Variants in USO1 observed in about 807,000 individuals in gnomAD.
USO1 encodes USO1 vesicle transport factor.
USO1 carries 57 observed loss-of-function variants against 124.5 expected under a neutral mutation model. That is an observed-to-expected ratio of 0.46 (90% CI 0.37 to 0.57). The LOEUF (loss-of-function observed/expected upper bound fraction) is 0.57, where lower values mean the gene tolerates loss of function less well. USO1 is among the 20% of genes least tolerant of loss of function. USO1 has a pLI of 0.00. For missense variants in USO1, 900 were observed against 1,040.6 expected (o/e 0.86, Z 1.86); for synonymous variants, 369 against 362.8 (o/e 1.02, Z -0.19).
intron 1 of USO1, among the ~76,000 whole-genome samples, chr4:75,739,528 TTA>T (rs1720894376): frequency 6.8e-6 from 1 of 147,066 alleles, no homozygotes; most frequent in African/African-American, 2.5e-5. Flanking sequence ...TTTTTGTATT[TTA>T]TCTTTTTCTT....
intron 1 of USO1, among the ~76,000 whole-genome samples, chr4:75,748,346 G>A (rs2149150796): frequency 6.6e-6 from 1 of 151,028 alleles, no homozygotes; most frequent in Admixed American, 6.6e-5. Flanking sequence ...GCATGACCAT[G>A]CCTGGCTAAT....
intron 1 of USO1, among the ~76,000 whole-genome samples, chr4:75,734,866 T>C (rs1456221991): frequency 6.6e-6 from 1 of 151,400 alleles, no homozygotes. Flanking sequence ...GTAGCTGGGA[T>C]TACAGGCACC....
At chr4:75,803,084 T>C (rs1477531136) in intron 17 of USO1, among the ~76,000 whole-genome samples, 42 of 82,066 alleles carry the variant, frequency 5.1e-4, no homozygotes, top group African/African-American at 1.5e-3. Flanking sequence ...CGAAACTCTG[T>C]CTCAAAAAAA....
chr4:75,760,475 A>T (rs1721574336), intron 4 of USO1: 1 of 374,880 alleles, frequency 2.7e-6, no homozygotes, highest in Admixed American at 4.6e-5. Flanking sequence ...CTTCTTCCAA[A>T]GGATTATGTA....
At chr4:75,797,560 C>A (rs372462581) in intron 13 of USO1, among the ~76,000 whole-genome samples, 557 of 111,124 alleles carry the variant, frequency 5.0e-3, no homozygotes, top group Non-Finnish European at 5.9e-3. Flanking sequence ...GTTCCAGAAG[C>A]AAAAAAAAAA....
In USO1 at chr4:75,812,257, A is replaced by G. The variant is rs1723171342; in HGVS notation, c.2681A>G (p.Lys894Arg). ...TIAILQTEKD[K>R]LELEITDSKK... ...GCCATTTTACAAACTGAGAAAGACA[A>G]ACTAGAGTTGGAAATTACAGATTCT... is the stretch of plus-strand genomic sequence containing the variant. The change falls in exon 23 of 24, where the codon AAA (lysine) becomes AGA (arginine). Residue 894 changes from lysine to arginine, a missense_variant. Around this residue, in one of 2 missense-constraint regions of USO1, gnomAD observed 362 missense variants for 359.0 expected, o/e 1.01. Coordinates refer to ENST00000514213, the MANE Select transcript of USO1 (RefSeq NM_003715.4). 1.9e-6 allele frequency: 3 copies of G among 1,609,592 alleles called. No homozygotes were observed. In the South Asian group the frequency reaches 3.3e-5, roughly 18 times the overall value.
intron 13 of USO1, among the ~76,000 whole-genome samples, chr4:75,796,062 T>G (rs1722669062): frequency 6.6e-6 from 1 of 152,154 alleles, no homozygotes; most frequent in South Asian, 2.1e-4. Flanking sequence ...TGTATCTTTG[T>G]GTATGAGCAT....
Position 75,774,679 on chromosome 4 carries a change from G to T in USO1, c.559G>T (p.Val187Phe), listed in dbSNP as rs746800563. 6.2e-7 allele frequency: 1 copy of T among 1,611,628 alleles called. No individual in the cohort carries two copies. The highest frequency in any genetic ancestry group is 8.5e-7 in the Non-Finnish European group (1 of 1,178,766). The change falls in exon 8 of 24, where the codon GTC becomes TTC. Residue 187 changes from valine to phenylalanine, a missense_variant. Around this residue, in one of 2 missense-constraint regions of USO1, gnomAD observed 538 missense variants for 681.6 expected, o/e 0.79. Transcript: ENST00000514213. The part of the protein sequence containing the change: ...DSREVIRNDG[V>F]LLLQALTRSN... Reference sequence around the variant, plus strand: ...ACATTCTCTTTCTTCTCTATAGGGCGTCTTACTACTGCAGGCACTAACAAG... The same window carrying T: ...ACATTCTCTTTCTTCTCTATAGGGCTTCTTACTACTGCAGGCACTAACAAG...
chr4:75,762,992 T>C (rs1721665363), intron 4 of USO1, among the ~76,000 whole-genome samples: 1 of 152,214 alleles, frequency 6.6e-6, no homozygotes, highest in South Asian at 2.1e-4. Context: ...TAAACGAAGA[T>C]TATTTGATAT....
intron 1 of USO1, chr4:75,745,013 C>G (rs1721083039): frequency 7.3e-6 from 3 of 412,248 alleles, no homozygotes; most frequent in Admixed American, 3.1e-5. Context: ...TTCCGTTATT[C>G]CCTTACCTTC....
At chr4:75,772,804 T>A (rs980401627) in intron 7 of USO1, among the ~76,000 whole-genome samples, 2 of 152,054 alleles carry the variant, frequency 1.3e-5, no homozygotes. Context: ...TTAAAAAAAA[T>A]AACTGCATTA....
chr4:75,786,935 GCAC>G, intron 9 of USO1, 124 bp from the exon 10 acceptor site: 2 of 1,144,492 alleles, frequency 1.7e-6, no homozygotes. Flanking sequence ...GAAAGAAAGA[GCAC>G]CTAAATGTAG....
chr4:75,749,459 G>C (rs114699060), intron 1 of USO1, among the ~76,000 whole-genome samples: 1,649 of 107,262 alleles, frequency 0.015, 34 homozygotes, highest in African/African-American at 0.056. Flanking sequence ...GGAGTGCAGT[G>C]GCGTGATCAT....
chr4:75,800,927 G>C, intron 16 of USO1, 128 bp downstream of exon 16: 1 of 1,425,924 alleles, frequency 7.0e-7, no homozygotes, highest in Non-Finnish European at 9.3e-7. Context: ...CTCTTGATCT[G>C]TAGCCCATTG....
At chr4:75,742,565 G>A (rs1185171000) in intron 1 of USO1, among the ~76,000 whole-genome samples, 2 of 152,194 alleles carry the variant, frequency 1.3e-5, no homozygotes, top group Non-Finnish European at 2.9e-5. Context: ...TTCAGATGGT[G>A]AAATTTTGGA....
chr4:75,741,489 A>G (rs754531032), intron 1 of USO1, among the ~76,000 whole-genome samples: 107 of 152,192 alleles, frequency 7.0e-4, no homozygotes, highest in Non-Finnish European at 1.2e-3. Flanking sequence ...AACTTTTTTT[A>G]AAGCTTTCTG....
rs138513100 is a variant in USO1 at position 75,725,222 on chromosome 4, C to T, written c.66+337C>T. Among the ~76,000 whole-genome samples, 66 of 152,322 alleles carry T rather than the reference C, an allele frequency of 4.3e-4. No homozygotes were observed. In the East Asian group the frequency reaches 0.01, roughly 24 times the overall value. On this transcript the variant is annotated intron_variant, in intron 1 of 23. Transcript: ENST00000514213. ...CTGGCCCGAACTGCCTCCCACGCCC[C>T]TCGGGGCCGTGGGCCCCTCCCTCTT...
rs773710559 is a variant in USO1 at position 75,799,618 on chromosome 4, G to T, written c.1453-4G>T. 5.0e-6 allele frequency: 8 copies of T among 1,612,796 alleles called. No homozygotes were observed. Among genetic ancestry groups the T allele is most frequent in the Middle Eastern group, 1.7e-4 (1 of 6,058 alleles). On this transcript the variant is annotated splice_region_variant and splice_polypyrimidine_tract_variant and intron_variant, in intron 13 of 23. Coordinates refer to ENST00000514213, the MANE Select transcript of USO1 (RefSeq NM_003715.4). Reference sequence around the variant, plus strand: ...AAAGATTTCTACCAATTTATCTGTTGCAGGGAAGCAAAATACAAACAAGAG... The same window carrying T: ...AAAGATTTCTACCAATTTATCTGTTTCAGGGAAGCAAAATACAAACAAGAG...
In USO1 at chr4:75,782,779, T is replaced by C; in HGVS notation, c.776T>C (p.Met259Thr). 1 of 1,601,408 alleles carries C rather than the reference T, an allele frequency of 6.2e-7. No individual in the cohort carries two copies. The highest frequency in any genetic ancestry group is 8.5e-7 in the Non-Finnish European group (1 of 1,176,048). The change falls in exon 9 of 24, where the codon ATG becomes ACG. Residue 259 changes from methionine to threonine, a missense_variant. By Grantham distance (81) the Met-to-Thr change is moderately conservative (BLOSUM62 -1). Coordinates refer to ENST00000514213, the MANE Select transcript of USO1 (RefSeq NM_003715.4). ...AAAGAAGGCTCATATATTCAACGTA[T>C]GAAACCTTGGTTTGAAGTTGGAGAT... ...FFKEGSYIQR[M>T]KPWFEVGDEN...
Sources: gnomAD v4.1 joint callset for allele counts (sites outside exome capture counted in the v4.1 genomes callset) on GRCh38, gnomAD v4.1.1 for gene constraint, gnomAD v4.1.1 regional missense constraint, MANE v1.5 for transcripts, NCBI Gene and HGNC (gene_info 2026-07-23, HGNC 2026-07-21) for gene names.